NPTX1: variants seen among roughly 807,000 people sequenced by gnomAD.
The protein encoded by NPTX1 is neuronal pentraxin 1, also known as neuronal pentraxin-1.
NPTX1 carries 12 observed loss-of-function variants against 38.7 expected under a neutral mutation model. The observed-to-expected ratio is 0.31, with a 90% confidence interval of 0.20 to 0.50. The LOEUF is 0.50. NPTX1 is among the 20% of genes least tolerant of loss of function. NPTX1 has a pLI of 0.98. For synonymous variants in NPTX1, 272 were observed against 264.9 expected (o/e 1.03, Z -0.26); for missense variants, 454 against 592.2 (o/e 0.77, Z 2.42).
chr17:80,471,633 C>T, intron 4 of NPTX1, 99 bp downstream of exon 4: 1 of 1,493,186 alleles, frequency 6.7e-7, no homozygotes, highest in South Asian at 1.3e-5. Flanking sequence ...TCAGGGGAAC[C>T]ACTTCTCCGG....
In NPTX1 at chr17:80,471,807, C is replaced by T; in HGVS notation, c.1002G>A (p.Gln334=). Residue 334 remains glutamine, a synonymous_variant, in exon 4 of 5, where the codon CAG becomes CAA. Transcript: ENST00000306773. The stretch of plus-strand genomic sequence containing the variant: ...GCGCCAAGTTCTCGCCACTGCCACC[C>T]TGCGTGCCATCCTGGTAGGCCTCCC... ...GVWEAYQDGT[Q]GGSGENLAPY... 1 of 1,613,604 alleles carries T rather than the reference C, an allele frequency of 6.2e-7. No individual in the cohort carries two copies. Among genetic ancestry groups the T allele is most frequent in the Non-Finnish European group, 8.5e-7 (1 of 1,180,030 alleles).
rs1479566141 is a variant in NPTX1 at position 80,476,512 on chromosome 17, C to T, written c.-66G>A. The T allele has an allele frequency of 1.4e-5, 14 of 975,392 alleles. No individual in the cohort carries two copies. The highest frequency in any genetic ancestry group is 5.4e-5 in the Admixed American group (1 of 18,592). The allele number at this position is 975,392 out of a possible 1,614,324, so 60.4% of individuals were successfully genotyped here. ...CTGGGGCTCGGCTCCGGCTGGGACCCGGCTCGGGCTGTGGCTCCGCGAGCG... is the reference window on the plus strand; with the variant it reads ...CTGGGGCTCGGCTCCGGCTGGGACCTGGCTCGGGCTGTGGCTCCGCGAGCG... On this transcript the variant is annotated 5_prime_UTR_variant, in exon 1 of 5. Transcript: ENST00000306773. This position sits in a 1 kb window ranked among gnomAD's most constrained non-coding sequence, Gnocchi z 6.3.
chr17:80,472,994 C>T (rs2083850808), intron 3 of NPTX1, among the ~76,000 whole-genome samples: 1 of 152,228 alleles, frequency 6.6e-6, no homozygotes, highest in Non-Finnish European at 1.5e-5. Flanking sequence ...GAAGGTCCAG[C>T]TCTCCCTGCT....
rs1317512637 is a variant in NPTX1, at chr17:80,475,116, A to T, written c.652+395T>A. Among the ~76,000 whole-genome samples, 1 of 152,164 alleles carries T rather than the reference A, an allele frequency of 6.6e-6. No individual in the cohort carries two copies. The highest frequency in any genetic ancestry group is 1.5e-5 in the Non-Finnish European group (1 of 68,024). On this transcript the variant is annotated intron_variant, in intron 2 of 4. Transcript: ENST00000306773. The surrounding 1 kb of genome is among the most constrained non-coding windows in gnomAD (Gnocchi z 6.5). Reference sequence around the variant, plus strand: ...CCAGCCCCAGCCTGCACCCAGCTGTACGCTGAGGCTGGGGACCAGGGAGAG... The same window carrying T: ...CCAGCCCCAGCCTGCACCCAGCTGTTCGCTGAGGCTGGGGACCAGGGAGAG...
chr17:80,472,306 C>T (rs1305159021), intron 3 of NPTX1, among the ~76,000 whole-genome samples: 1 of 152,058 alleles, frequency 6.6e-6, no homozygotes, highest in Non-Finnish European at 1.5e-5. Context: ...CCTTGCTGGC[C>T]TCTCCTCTCT....
chr17:80,475,399 G>C lies in NPTX1; in HGVS notation c.652+112C>G. The C allele has an allele frequency of 1.3e-6, 1 of 777,490 alleles. No homozygotes were observed. Among genetic ancestry groups the C allele is most frequent in the Non-Finnish European group, 2.0e-6 (1 of 492,310 alleles). 48.2% of individuals were successfully genotyped at this position (777,490 alleles called of 1,614,324 possible). On this transcript the variant is annotated intron_variant, in intron 2 of 4. Coordinates refer to ENST00000306773, the MANE Select transcript of NPTX1 (RefSeq NM_002522.4). This position sits in a 1 kb window ranked among gnomAD's most constrained non-coding sequence, Gnocchi z 6.5. Reference sequence around the variant, plus strand: ...AAGCGGTGCAGGGGTTGGGGGTAGCGGAGCGGCTTGAGGCTTGCACAGTGC... The same window carrying C: ...AAGCGGTGCAGGGGTTGGGGGTAGCCGAGCGGCTTGAGGCTTGCACAGTGC...
chr17:80,470,775 G>C lies in NPTX1; in HGVS notation c.*38C>G, dbSNP rs1350533584. The C allele has an allele frequency of 7.3e-7, 1 of 1,377,370 alleles. No individual in the cohort carries two copies. Among genetic ancestry groups the C allele is most frequent in the African/African-American group, 1.4e-5 (1 of 70,366 alleles). The allele number at this position is 1,377,370 out of a possible 1,614,324, so 85.3% of individuals were successfully genotyped here. On this transcript the variant is annotated 3_prime_UTR_variant, in exon 5 of 5. Transcript: ENST00000306773. The stretch of plus-strand genomic sequence containing the variant: ...AAACAGATCATCGCCGCACAAGCAG[G>C]GGGCGAGGGCGGGCGGGCTCAGCCT...
At position 80,475,967 on chromosome 17, in the gene NPTX1, C is replaced by G. The variant is rs769974507; in HGVS notation, c.444+36G>C. On this transcript the variant is annotated intron_variant, in intron 1 of 4. Coordinates refer to ENST00000306773, the MANE Select transcript of NPTX1 (RefSeq NM_002522.4). This position sits in a 1 kb window ranked among gnomAD's most constrained non-coding sequence, Gnocchi z 6.5. ...GGGGGAGGGCAGAGGGGCGAGCGAG[C>G]CGGAGGGGGAACCGGAGCCGAGGGC... is the stretch of plus-strand genomic sequence containing the variant. The G allele has an allele frequency of 1.3e-6, 2 of 1,548,878 alleles. No individual in the cohort carries two copies. The highest frequency in any genetic ancestry group is 4.7e-5 in the East Asian group (2 of 42,704).
rs893840013 is a variant in NPTX1 at position 80,469,135 on chromosome 17, T to A, written c.*1678A>T. 1 of 152,398 alleles carries A rather than the reference T, an allele frequency of 6.6e-6. No individual in the cohort carries two copies. The highest frequency in any genetic ancestry group is 1.5e-5 in the Non-Finnish European group (1 of 68,026). The allele number at this position is 152,398 out of a possible 1,614,324, so 9.4% of individuals were successfully genotyped here. A position where few individuals can be genotyped will look rare whatever the true frequency, so the allele number is the denominator to read the frequency against. ...GTGGACCTGTGTTTAAGGGGACAGG[T>A]GGCCCTAGAAGGAACAGAAGACAGA... On this transcript the variant is annotated 3_prime_UTR_variant, in exon 5 of 5. Transcript: ENST00000306773.
rs57945494 is a variant in NPTX1, at chr17:80,466,899, G to GAA, written c.*3912_*3913dup. ...ATTCATGTCATTTCAGCAAGAAAAT[G>GAA]AAAAAAAAAAAAAAAGCAAGAATAC... is the stretch of plus-strand genomic sequence containing the variant. On this transcript the variant is annotated 3_prime_UTR_variant, in exon 5 of 5. Transcript: ENST00000306773. Among the ~76,000 whole-genome samples the GAA allele has an allele frequency of 1.3e-3, 170 of 132,270 alleles. 1 individual carries two copies. Among genetic ancestry groups the GAA allele is most frequent in the Non-Finnish European group, 1.8e-3 (113 of 63,616 alleles). 86.8% of individuals were successfully genotyped at this position (132,270 alleles called of 152,430 possible).
In NPTX1 at chr17:80,468,177, T is replaced by C. The variant is rs1260986303; in HGVS notation, c.*2636A>G. Reference sequence around the variant, plus strand: ...TTCTCGGGGCCAGCAAAGTGCCAAGTGTCAACACAGTGAGGGAGTCGAGGG... The same window carrying C: ...TTCTCGGGGCCAGCAAAGTGCCAAGCGTCAACACAGTGAGGGAGTCGAGGG... On this transcript the variant is annotated 3_prime_UTR_variant, in exon 5 of 5. Transcript: ENST00000306773. 6 of 152,712 alleles carry C rather than the reference T, an allele frequency of 3.9e-5. No individual in the cohort carries two copies. The allele number at this position is 152,712 out of a possible 1,614,324, so 9.5% of individuals were successfully genotyped here. A position where few individuals can be genotyped will look rare whatever the true frequency, so the allele number is the denominator to read the frequency against.
At position 80,471,719 on chromosome 17, in the gene NPTX1, T is replaced by G; in HGVS notation, c.1077+13A>C. 1 of 1,608,718 alleles carries G rather than the reference T, an allele frequency of 6.2e-7. No homozygotes were observed. Among genetic ancestry groups the G allele is most frequent in the Non-Finnish European group, 8.5e-7 (1 of 1,177,876 alleles). On this transcript the variant is annotated intron_variant, in intron 4 of 4. Transcript: ENST00000306773. ...AAGCTCTCTCCCCTTCCCCACCACA[T>G]CCAGCACAGTACCTGCTCCTGGCCC...
chr17:80,470,615 G>T lies in NPTX1; in HGVS notation c.*198C>A. ...AGAGTCCGGGCTCCTACAGAGAAGT[G>T]GGGCTTCCTCAGGGACAGATGGGAG... On this transcript the variant is annotated 3_prime_UTR_variant, in exon 5 of 5. Coordinates refer to ENST00000306773, the MANE Select transcript of NPTX1 (RefSeq NM_002522.4). 1.9e-6 allele frequency: 1 copy of T among 533,630 alleles called. No individual in the cohort carries two copies. 33.1% of individuals were successfully genotyped at this position (533,630 alleles called of 1,614,324 possible).
intron 3 of NPTX1, among the ~76,000 whole-genome samples, chr17:80,472,311 C>T (rs1178773696): frequency 6.6e-6 from 1 of 151,958 alleles, no homozygotes; most frequent in East Asian, 1.9e-4. Context: ...CTGGCCTCTC[C>T]TCTCTCTTCC....
At chr17:80,472,214 C>T (rs1365888320) in intron 3 of NPTX1, among the ~76,000 whole-genome samples, 1 of 152,118 alleles carries the variant, frequency 6.6e-6, no homozygotes, top group Non-Finnish European at 1.5e-5. Flanking sequence ...ACAACAAGCC[C>T]TAGTCTACAC....
In NPTX1 at chr17:80,470,832, G is replaced by A. The variant is rs1224783041; in HGVS notation, c.1280C>T (p.Ala427Val). 2 of 1,598,652 alleles carry A rather than the reference G, an allele frequency of 1.3e-6. No individual in the cohort carries two copies. Among genetic ancestry groups the A allele is most frequent in the African/African-American group, 1.3e-5 (1 of 74,740 alleles). ...YGGATKWTFEACRQIN is the reference protein window; with the variant it reads ...YGGATKWTFEVCRQIN The stretch of plus-strand genomic sequence containing the variant: ...CCGTGCTCAGTTGATCTGGCGACAG[G>A]CCTCGAAGGTCCACTTGGTGGCCCC... Residue 427 changes from alanine (A) to valine (V), a missense_variant, in exon 5 of 5, where the codon GCC (alanine) becomes GTC (valine). Physicochemically the swap from Ala to Val is moderately conservative, Grantham distance 64. Coordinates refer to ENST00000306773, the MANE Select transcript of NPTX1 (RefSeq NM_002522.4).
intron 2 of NPTX1, 98 bp from the exon 3 acceptor site, chr17:80,473,542 G>A: frequency 7.8e-7 from 1 of 1,274,868 alleles, no homozygotes; most frequent in Non-Finnish European, 1.1e-6. Context: ...TGCGTGGCCA[G>A]GGCAGGCTCC....
intron 3 of NPTX1, among the ~76,000 whole-genome samples, chr17:80,472,221 A>T (rs1291952503): frequency 1.3e-5 from 2 of 152,062 alleles, no homozygotes; most frequent in Non-Finnish European, 2.9e-5. Context: ...GCCCTAGTCT[A>T]CACCAGGGAG....
At chr17:80,471,163 GT>G in intron 4 of NPTX1, 129 bp from the exon 5 acceptor site, 1 of 683,316 alleles carries the variant, frequency 1.5e-6, no homozygotes, top group South Asian at 1.9e-5. Flanking sequence ...CCTAGGTGCC[GT>G]TTCGTCTCCC....
Sources: allele counts gnomAD v4.1 joint callset (sites outside exome capture counted in the v4.1 genomes callset), GRCh38; gene constraint gnomAD v4.1.1; non-coding constraint Gnocchi (gnomAD v3.1); transcripts MANE v1.5; gene names NCBI Gene and HGNC (gene_info 2026-07-23, HGNC 2026-07-21).